WWC2: variants seen among roughly 807,000 people sequenced by gnomAD.
The protein encoded by WWC2 is WW and C2 domain containing 2.
Under a neutral mutation model 138.5 loss-of-function variants are expected in WWC2, and 101 were observed. The ratio of observed to expected loss-of-function variants is 0.73; its 90% CI spans 0.62 to 0.86. The LOEUF is 0.86. WWC2 is among the 40% of genes least tolerant of loss of function. The probability of loss-of-function intolerance (pLI) is 0.00; values close to 1 mark genes in which losing one functional copy is unlikely to be tolerated. For synonymous variants in WWC2, 558 were observed against 538.4 expected, an observed-to-expected ratio of 1.04 and a Z score of -0.50; for missense variants, 1,420 against 1,419.4, an observed-to-expected ratio of 1.00 and a Z score of -0.01.
chr4:183,103,962 T>C (rs1340454543), intron 1 of WWC2, among the ~76,000 whole-genome samples: 1 of 152,024 alleles, frequency 6.6e-6, no homozygotes, highest in Non-Finnish European at 1.5e-5. Context: ...AAAGTCTAAG[T>C]AATTTCTTTT....
At chr4:183,214,629 C>T (rs1368259191) in intron 4 of WWC2, among the ~76,000 whole-genome samples, 5 of 151,884 alleles carry the variant, frequency 3.3e-5, no homozygotes, top group African/African-American at 9.7e-5. Flanking sequence ...CCCGTCTCTA[C>T]TAAAAATACA....
At chr4:183,315,196 C>T (rs1407287051) in intron 22 of WWC2, among the ~76,000 whole-genome samples, 1 of 152,230 alleles carries the variant, frequency 6.6e-6, no homozygotes, top group Non-Finnish European at 1.5e-5. Flanking sequence ...CCTCCTTCTC[C>T]TTTCATTTGC....
chr4:183,111,163 C>A (rs902053785), intron 1 of WWC2, among the ~76,000 whole-genome samples: 2 of 152,068 alleles, frequency 1.3e-5, no homozygotes, highest in Non-Finnish European at 2.9e-5. Flanking sequence ...TGGCGTGAAT[C>A]CAGGAGGCGG....
intron 2 of WWC2, among the ~76,000 whole-genome samples, chr4:183,207,171 AGAAACTCTAGTT>A (rs1312379490): frequency 7.4e-6 from 1 of 135,306 alleles, no homozygotes; most frequent in East Asian, 2.3e-4. Context: ...TTGCATCCAC[AGAAACTCTAGTT>A]GGTCTGGGTT....
Position 183,099,716 on chromosome 4 carries a change from C to T in WWC2, c.131+94C>T, listed in dbSNP as rs539903716. 7.3e-4 allele frequency: 820 copies of T among 1,124,742 alleles called. 4 individuals are homozygous for T. The African/African-American group carries it at 0.013, about 17-fold the overall frequency. 69.7% of individuals were successfully genotyped at this position (1,124,742 alleles called of 1,614,324 possible). On this transcript the variant is annotated intron_variant, in intron 1 of 22. Transcript: ENST00000403733. ...GCGGGGGGCTGGGGCGGCGCCGGCC[C>T]GCGGTGCCCCGAGGGGTCCCGGGAG...
At chr4:183,189,253 G>A (rs1305996894) in intron 1 of WWC2, among the ~76,000 whole-genome samples, 1 of 151,576 alleles carries the variant, frequency 6.6e-6, no homozygotes, top group East Asian at 2.0e-4. Context: ...AGGCCAACAT[G>A]GTGAAACCCC....
intron 1 of WWC2, among the ~76,000 whole-genome samples, chr4:183,150,722 C>T (rs1733614121): frequency 2.0e-5 from 3 of 151,942 alleles, no homozygotes; most frequent in South Asian, 4.2e-4. Context: ...ATGTTCCCTG[C>T]CCTGTGTCCA....
intron 8 of WWC2, 63 bp from the exon 9 acceptor site, chr4:183,253,694 C>T: frequency 6.4e-7 from 1 of 1,562,752 alleles, no homozygotes; most frequent in Middle Eastern, 1.9e-4. Context: ...TTGGCTTAGG[C>T]TGTGTTTACC....
At chr4:183,294,807 CTGT>C (rs1250328226) in intron 21 of WWC2, among the ~76,000 whole-genome samples, 1 of 151,914 alleles carries the variant, frequency 6.6e-6, no homozygotes, top group African/African-American at 2.4e-5. Context: ...AAGATTTTTA[CTGT>C]TGTTGATGAA....
chr4:183,107,565 C>G (rs2152886767), intron 1 of WWC2, among the ~76,000 whole-genome samples: 1 of 152,284 alleles, frequency 6.6e-6, no homozygotes, highest in East Asian at 1.9e-4. Flanking sequence ...GGGCCCAAGC[C>G]TCCCCTTATT....
intron 21 of WWC2, among the ~76,000 whole-genome samples, chr4:183,295,805 CTTGT>C (rs141614592): frequency 0.085 from 12,883 of 152,116 alleles, 696 homozygotes; most frequent in South Asian, 0.17. Flanking sequence ...CCTGACACCC[CTTGT>C]TTGTTTGTTT....
At chr4:183,296,877 T>C (rs1490524929) in intron 21 of WWC2, among the ~76,000 whole-genome samples, 2 of 127,784 alleles carry the variant, frequency 1.6e-5, no homozygotes, top group South Asian at 2.5e-4. Flanking sequence ...GAGCTTGCAG[T>C]GAGCCGAGAT....
chr4:183,175,452 G>T (rs1170826377), intron 1 of WWC2, among the ~76,000 whole-genome samples: 6 of 151,926 alleles, frequency 3.9e-5, no homozygotes, highest in Non-Finnish European at 2.9e-5. Context: ...TTGTAGAGAT[G>T]GGGTTTTATC....
At chr4:183,263,802 T>C (rs1560874248) in intron 11 of WWC2, among the ~76,000 whole-genome samples, 1 of 152,100 alleles carries the variant, frequency 6.6e-6, no homozygotes, top group Non-Finnish European at 1.5e-5. Flanking sequence ...ACCAGCACTT[T>C]TTTTCAGGGG....
chr4:183,298,077 C>G (rs958924409), intron 21 of WWC2, among the ~76,000 whole-genome samples: 3 of 152,202 alleles, frequency 2.0e-5, no homozygotes, highest in African/African-American at 4.8e-5. Context: ...AGGATTTGAG[C>G]TGATATGTTA....
intron 1 of WWC2, among the ~76,000 whole-genome samples, chr4:183,113,515 T>TGTGCGCGC (rs371819502): frequency 3.2e-5 from 4 of 126,644 alleles, no homozygotes; most frequent in African/African-American, 6.0e-5. Context: ...TGTGTGTGTG[T>TGTGCGCGC]GCGCGCGCGT....
intron 4 of WWC2, among the ~76,000 whole-genome samples, chr4:183,214,858 A>G (rs1458526940): frequency 1.3e-5 from 2 of 152,086 alleles, no homozygotes; most frequent in Non-Finnish European, 2.9e-5. Flanking sequence ...CATGAGAGAT[A>G]TCCTTATTCT....
At chr4:183,221,584 T>G (rs531721764) in intron 4 of WWC2, among the ~76,000 whole-genome samples, 17 of 152,298 alleles carry the variant, frequency 1.1e-4, no homozygotes, top group African/African-American at 4.1e-4. Flanking sequence ...TTAGACATCA[T>G]AAACAGAAAT....
At chr4:183,118,021 A>ATT (rs1732474386) in intron 1 of WWC2, among the ~76,000 whole-genome samples, 1 of 150,700 alleles carries the variant, frequency 6.6e-6, no homozygotes, top group Admixed American at 6.6e-5. Flanking sequence ...GCTGGTCTTG[A>ATT]ACTGCTGACT....
Sources: gnomAD v4.1 joint callset for allele counts (sites outside exome capture counted in the v4.1 genomes callset) on GRCh38, gnomAD v4.1.1 for gene constraint, MANE v1.5 for transcripts, NCBI Gene and HGNC (gene_info 2026-07-23, HGNC 2026-07-21) for gene names.